MACROH2A2: variants seen among roughly 807,000 people sequenced by gnomAD.
MACROH2A2 encodes macroH2A.2 histone.
MACROH2A2 carries 6 observed loss-of-function variants against 37.6 expected under a neutral mutation model. The ratio of observed to expected loss-of-function variants is 0.16; its 90% CI spans 0.09 to 0.32. The LOEUF is 0.32. Among genes scored for constraint, MACROH2A2 ranks in the 10% least tolerant of loss-of-function variants. MACROH2A2 has a pLI of 1.00. For synonymous variants in MACROH2A2, 192 were observed against 202.7 expected (o/e 0.95, Z 0.45); for missense variants, 290 against 485.9 (o/e 0.60, Z 3.79).
intron 2 of MACROH2A2, among the ~76,000 whole-genome samples, chr10:70,083,758 G>A (rs60189998): frequency 0.067 from 9,891 of 148,660 alleles, 408 homozygotes; most frequent in African/African-American, 0.12. Context: ...GTTCCGCAAA[G>A]AGTGCATGCT....
chr10:70,078,894 G>A (rs1025439295), intron 2 of MACROH2A2, among the ~76,000 whole-genome samples: 1 of 152,140 alleles, frequency 6.6e-6, no homozygotes, highest in Non-Finnish European at 1.5e-5. Context: ...CATTGATTCT[G>A]TTTAGGGAAG....
intron 1 of MACROH2A2, among the ~76,000 whole-genome samples, chr10:70,071,945 C>T (rs964788623): frequency 3.9e-5 from 6 of 152,128 alleles, no homozygotes; most frequent in South Asian, 2.1e-4. Flanking sequence ...GACTTTATAC[C>T]GTACATGTTA....
intron 2 of MACROH2A2, among the ~76,000 whole-genome samples, chr10:70,085,941 CATA>C (rs1442298189): frequency 6.6e-6 from 1 of 152,066 alleles, no homozygotes; most frequent in Non-Finnish European, 1.5e-5. Context: ...CTATATTTGC[CATA>C]ATAACATTTG....
intron 1 of MACROH2A2, among the ~76,000 whole-genome samples, chr10:70,064,052 G>A (rs1418013792): frequency 6.6e-6 from 1 of 152,174 alleles, no homozygotes; most frequent in Non-Finnish European, 1.5e-5. Context: ...AACAATCTGA[G>A]AGTTCTTCTC....
chr10:70,056,808 A>G (rs1450058808), intron 1 of MACROH2A2, among the ~76,000 whole-genome samples: 1 of 152,226 alleles, frequency 6.6e-6, no homozygotes, highest in Non-Finnish European at 1.5e-5. Context: ...TTCAGGTTGA[A>G]GGATGAACTA....
intron 4 of MACROH2A2, among the ~76,000 whole-genome samples, chr10:70,093,267 T>C (rs1235560091): frequency 2.0e-5 from 3 of 152,212 alleles, no homozygotes; most frequent in East Asian, 3.9e-4. Flanking sequence ...AGCAACATTA[T>C]TGAGGATCAA....
At chr10:70,103,837 GA>G (rs952433181) in intron 7 of MACROH2A2, among the ~76,000 whole-genome samples, 118 of 148,734 alleles carry the variant, frequency 7.9e-4, no homozygotes, top group African/African-American at 2.5e-3. Context: ...GCACTGAAGG[GA>G]AAAAAAAAAC....
intron 1 of MACROH2A2, among the ~76,000 whole-genome samples, chr10:70,070,962 A>AGTGTGT (rs9299504): frequency 6.7e-6 from 1 of 150,036 alleles, no homozygotes; most frequent in Non-Finnish European, 1.5e-5. Flanking sequence ...TTTTGAGGAA[A>AGTGTGT]GTGTGTGTGT....
chr10:70,079,565 G>GCGCA (rs1386558755), intron 2 of MACROH2A2, among the ~76,000 whole-genome samples: 4,408 of 126,190 alleles, frequency 0.035, 130 homozygotes, highest in African/African-American at 0.065. Flanking sequence ...GCGCGCGCGC[G>GCGCA]CACACACACA....
At chr10:70,070,851 T>C (rs915413900) in intron 1 of MACROH2A2, among the ~76,000 whole-genome samples, 1 of 152,208 alleles carries the variant, frequency 6.6e-6, no homozygotes, top group African/African-American at 2.4e-5. Context: ...CTCCTAGTCC[T>C]AAGTTCCAAT....
chr10:70,111,023 CTTTGGG>C (rs2072369387), intron 8 of MACROH2A2, among the ~76,000 whole-genome samples: 1 of 152,208 alleles, frequency 6.6e-6, no homozygotes, highest in Non-Finnish European at 1.5e-5. Flanking sequence ...AATCCCAGCA[CTTTGGG>C]AGGCCGAGGC....
intron 7 of MACROH2A2, among the ~76,000 whole-genome samples, chr10:70,104,930 G>A (rs1371556508): frequency 6.6e-6 from 1 of 152,216 alleles, no homozygotes; most frequent in African/African-American, 2.4e-5. Flanking sequence ...ATCTTAACAT[G>A]GTTAAAACAG....
rs1298835918 is a variant in MACROH2A2 at position 70,107,470 on chromosome 10, G to T, written c.779-1563G>T. On this transcript the variant is annotated intron_variant, in intron 7 of 8. Transcript: ENST00000373255. The surrounding 1 kb of genome is among the most constrained non-coding windows in gnomAD (Gnocchi z 4.4). Reference sequence around the variant, plus strand: ...CGCCGATTCCTGGGTTCCTGGAGGGGCACAGGGCGCAGACGGGCAGCGTGG... The same window carrying T: ...CGCCGATTCCTGGGTTCCTGGAGGGTCACAGGGCGCAGACGGGCAGCGTGG... Among the ~76,000 whole-genome samples the T allele has an allele frequency of 1.3e-5, 2 of 152,202 alleles. No individual in the cohort carries two copies. Among genetic ancestry groups the T allele is most frequent in the Non-Finnish European group, 1.5e-5 (1 of 68,030 alleles).
chr10:70,080,279 CAAA>C (rs35056111), intron 2 of MACROH2A2, among the ~76,000 whole-genome samples: 1 of 112,582 alleles, frequency 8.9e-6, no homozygotes, highest in African/African-American at 3.3e-5. Flanking sequence ...AACTCCATCT[CAAA>C]AAAAAAAAAA....
intron 2 of MACROH2A2, among the ~76,000 whole-genome samples, chr10:70,085,718 T>C (rs558856428): frequency 6.6e-6 from 1 of 152,350 alleles, no homozygotes; most frequent in South Asian, 2.1e-4. Flanking sequence ...TTGCTAGAAG[T>C]GTGACTTGTG....
chr10:70,091,039 T>A (rs1468590905), intron 3 of MACROH2A2, among the ~76,000 whole-genome samples: 1 of 152,242 alleles, frequency 6.6e-6, no homozygotes, highest in African/African-American at 2.4e-5. Flanking sequence ...ACTTTACTGA[T>A]GGAATGTATG....
chr10:70,068,339 C>T (rs2072090567), intron 1 of MACROH2A2, among the ~76,000 whole-genome samples: 1 of 152,150 alleles, frequency 6.6e-6, no homozygotes, highest in African/African-American at 2.4e-5. Context: ...GAAATGCCTG[C>T]CTGTTCCATT....
intron 7 of MACROH2A2, among the ~76,000 whole-genome samples, chr10:70,108,236 A>C (rs1297366057): frequency 6.6e-6 from 1 of 152,128 alleles, no homozygotes; most frequent in Non-Finnish European, 1.5e-5. Flanking sequence ...AAAAAATAAA[A>C]ATAAAAGCCA....
intron 8 of MACROH2A2, among the ~76,000 whole-genome samples, chr10:70,111,009 C>T (rs935375332): frequency 5.9e-5 from 9 of 152,182 alleles, no homozygotes; most frequent in Non-Finnish European, 1.3e-4. Flanking sequence ...TGGCTCACAC[C>T]TGTAATCCCA....
Sources: allele counts gnomAD v4.1 joint callset (sites outside exome capture counted in the v4.1 genomes callset), GRCh38; gene constraint gnomAD v4.1.1; non-coding constraint Gnocchi (gnomAD v3.1); transcripts MANE v1.5; gene names NCBI Gene and HGNC (gene_info 2026-07-23, HGNC 2026-07-21).